Variants in STK31 observed in about 807,000 individuals in gnomAD.
The protein encoded by STK31 is serine/threonine-protein kinase 31.
A neutral mutation model predicts 129.7 loss-of-function variants in STK31; 89 were observed. That is an observed-to-expected ratio of 0.69 (90% CI 0.58 to 0.82). The LOEUF (loss-of-function observed/expected upper bound fraction) is 0.82. Among genes scored for constraint, STK31 ranks in the 40% least tolerant of loss-of-function variants. The probability of loss-of-function intolerance (pLI) is 0.00; values close to 1 mark genes in which losing one functional copy is unlikely to be tolerated. For missense variants in STK31, 1,187 were observed against 1,176.4 expected (o/e 1.01, Z -0.13); for synonymous variants, 448 against 395.3 (o/e 1.13, Z -1.58).
chr7:23,731,796 G>C (rs1787447294), intron 6 of STK31, among the ~76,000 whole-genome samples: 1 of 152,150 alleles, frequency 6.6e-6, no homozygotes, highest in African/African-American at 2.4e-5. Context: ...CTAGAGCTTG[G>C]AATTTGTGTT....
intron 22 of STK31, among the ~76,000 whole-genome samples, chr7:23,792,869 T>C (rs1791727927): frequency 6.6e-6 from 1 of 152,026 alleles, no homozygotes; most frequent in South Asian, 2.1e-4. Flanking sequence ...CTACAAAAAA[T>C]AGAAATTAGC....
Position 23,832,279 on chromosome 7 carries a change from A to G in STK31, c.2973A>G (p.Leu991=), listed in dbSNP as rs35517396. 0.073 allele frequency: 118,021 copies of G among 1,613,668 alleles called. 6,044 individuals carry two copies. The highest frequency in any genetic ancestry group is 0.26 in the African/African-American group (19,419 of 74,944). ...PNPEKDTEYT[L]YKKEEEIKTE... ...CAGAAAAAGATACTGAATACACCCT[A>G]TATAAAAAGGAAGAAGAAATAAAGA... Residue 991 remains leucine (L), a synonymous_variant, in exon 24 of 24, where the codon CTA becomes CTG. Transcript: ENST00000355870.
intron 6 of STK31, among the ~76,000 whole-genome samples, chr7:23,731,033 G>A (rs1020272488): frequency 2.0e-5 from 3 of 150,730 alleles, no homozygotes; most frequent in African/African-American, 7.3e-5. Context: ...ACAGGCACCC[G>A]CCACCACGCA....
chr7:23,771,805 T>C (rs1790213799), intron 14 of STK31: 1 of 157,988 alleles, frequency 6.3e-6, no homozygotes, highest in Admixed American at 6.5e-5. Context: ...ACTTGATACA[T>C]ATTTTCAAAC....
chr7:23,726,418 C>T (rs1354304721), intron 4 of STK31: 1 of 112,738 alleles, frequency 8.9e-6, no homozygotes, highest in Non-Finnish European at 1.7e-5. Context: ...CATGGTGAGA[C>T]CTTGCCTCTA....
At chr7:23,808,530 C>G (rs532295666) in intron 22 of STK31, among the ~76,000 whole-genome samples, 1 of 152,204 alleles carries the variant, frequency 6.6e-6, no homozygotes, top group African/African-American at 2.4e-5. Flanking sequence ...CGTACTACTT[C>G]ACACTGCTTT....
chr7:23,732,491 A>G (rs185882426), intron 6 of STK31, among the ~76,000 whole-genome samples: 1 of 152,272 alleles, frequency 6.6e-6, no homozygotes, highest in Non-Finnish European at 1.5e-5. Context: ...GTTAGTTGGA[A>G]CTGAGGAAGA....
chr7:23,738,348 C>A (rs937094312), intron 8 of STK31, among the ~76,000 whole-genome samples: 3 of 152,000 alleles, frequency 2.0e-5, no homozygotes, highest in Non-Finnish European at 4.4e-5. Context: ...AACCCAGAAG[C>A]TCCCCAAATC....
At position 23,772,297 on chromosome 7, in the gene STK31, CT is replaced by C; in HGVS notation, c.1965+21del. ...GGAAGAGGTAAGGAAACAGTTGTTT[CT>C]TACTGATCTTTATGTGCATCTCATT... On this transcript the variant is annotated intron_variant, in intron 15 of 23. Coordinates refer to ENST00000355870, the MANE Select transcript of STK31 (RefSeq NM_031414.5). 6.3e-7 allele frequency: 1 copy of C among 1,595,058 alleles called. No homozygotes were observed. The highest frequency in any genetic ancestry group is 1.1e-5 in the South Asian group (1 of 87,040).
At chr7:23,739,545 G>GCC (rs1787929793) in intron 8 of STK31, among the ~76,000 whole-genome samples, 1 of 152,152 alleles carries the variant, frequency 6.6e-6, no homozygotes, top group South Asian at 2.1e-4. Flanking sequence ...TGAAGTCCTT[G>GCC]CCCATGCCTA....
At chr7:23,741,984 C>T (rs1174635445) in intron 8 of STK31, among the ~76,000 whole-genome samples, 1 of 152,218 alleles carries the variant, frequency 6.6e-6, no homozygotes, top group Non-Finnish European at 1.5e-5. Context: ...ACTGGGGCAC[C>T]ACCCTGGTGA....
chr7:23,779,877 G>C (rs190174017), intron 15 of STK31, among the ~76,000 whole-genome samples: 2 of 152,308 alleles, frequency 1.3e-5, no homozygotes, highest in Admixed American at 6.5e-5. Context: ...CAGGTGCAAG[G>C]GGGGTATGAA....
chr7:23,772,621 G>A lies in STK31; in HGVS notation c.1965+343G>A, dbSNP rs182649904. Among the ~76,000 whole-genome samples the A allele has an allele frequency of 2.0e-3, 298 of 152,122 alleles. 1 individual carries two copies. The highest frequency in any genetic ancestry group is 6.9e-3 in the African/African-American group (285 of 41,510). On this transcript the variant is annotated intron_variant, in intron 15 of 23. Transcript: ENST00000355870. The stretch of plus-strand genomic sequence containing the variant: ...CCAACTTGCTACATGCAGGTGACAG[G>A]GTACCCCCTCGAAGGTAGCGTTTTG...
At chr7:23,813,010 C>T (rs1279104218) in intron 22 of STK31, among the ~76,000 whole-genome samples, 7 of 149,460 alleles carry the variant, frequency 4.7e-5, no homozygotes, top group Non-Finnish European at 1.0e-4. Flanking sequence ...TATTTTTTTC[C>T]TTTTCTTCTG....
chr7:23,729,984 A>G (rs573429228), intron 6 of STK31, among the ~76,000 whole-genome samples: 2 of 152,226 alleles, frequency 1.3e-5, no homozygotes, highest in African/African-American at 4.8e-5. Flanking sequence ...GCAGAGGCTC[A>G]TACTGTTTGA....
At chr7:23,752,660 G>A in intron 8 of STK31, 57 bp from the exon 9 acceptor site, 2 of 1,287,154 alleles carry the variant, frequency 1.6e-6, no homozygotes, top group Non-Finnish European at 2.2e-6. Context: ...TTAAATTATA[G>A]CAGAAATACA....
At chr7:23,774,729 C>G (rs1051014363) in intron 15 of STK31, among the ~76,000 whole-genome samples, 7 of 152,174 alleles carry the variant, frequency 4.6e-5, no homozygotes, top group Non-Finnish European at 8.8e-5. Context: ...TGTAGGTTGC[C>G]TGTTCACTCT....
chr7:23,749,945 C>A (rs1306246710), intron 8 of STK31, among the ~76,000 whole-genome samples: 1 of 151,760 alleles, frequency 6.6e-6, no homozygotes, highest in Admixed American at 6.6e-5. Context: ...TATTTCCATC[C>A]CCCAGGTCAG....
chr7:23,817,049 G>A lies in STK31; in HGVS notation c.2829+1837G>A, dbSNP rs544367062. ...AAAAATACAAAAAAATTAGCTGGAT[G>A]TGCTGGCGGGTGCCTGTAGTCCCAG... is the stretch of plus-strand genomic sequence containing the variant. On this transcript the variant is annotated intron_variant, in intron 23 of 23. Coordinates refer to ENST00000355870, the MANE Select transcript of STK31 (RefSeq NM_031414.5). 2.6e-5 allele frequency among the ~76,000 whole-genome samples: 4 copies of A among 152,232 alleles called. No individual in the cohort carries two copies. The South Asian group carries it at 8.3e-4, about 32-fold the overall frequency.
Sources: allele counts gnomAD v4.1 joint callset (sites outside exome capture counted in the v4.1 genomes callset), GRCh38; gene constraint gnomAD v4.1.1; transcripts MANE v1.5; gene names NCBI Gene and HGNC (gene_info 2026-07-23, HGNC 2026-07-21).